POGZ: variants seen among roughly 807,000 people sequenced by gnomAD.
POGZ encodes the protein pogo transposable element derived with ZNF domain, also known as pogo transposable element with ZNF domain.
In POGZ, 17 loss-of-function variants were observed where a neutral mutation model predicts 134.6. The ratio of observed to expected loss-of-function variants is 0.13; its 90% CI spans 0.09 to 0.19. POGZ has a LOEUF of 0.19. Among genes scored for constraint, POGZ ranks in the 10% least tolerant of loss-of-function variants. The pLI is 1.00. For synonymous variants in POGZ, 693 were observed against 657.1 expected, an observed-to-expected ratio of 1.05 and a Z score of -0.84; for missense variants, 1,306 against 1,769.7, an observed-to-expected ratio of 0.74 and a Z score of 4.70.
intron 1 of POGZ, among the ~76,000 whole-genome samples, chr1:151,455,952 A>T: frequency 6.9e-6 from 1 of 144,158 alleles, no homozygotes; most frequent in African/African-American, 2.6e-5. Flanking sequence ...TATGCTGACC[A>T]GGCTCAACTC....
chr1:151,404,720 G>A lies in POGZ; in HGVS notation c.*82C>T, dbSNP rs1160841854. On this transcript the variant is annotated 3_prime_UTR_variant, in exon 19 of 19. Coordinates refer to ENST00000271715, the MANE Select transcript of POGZ (RefSeq NM_015100.4). ...AAATAGAAACCAAATACCCCACCTG[G>A]TATGCCCCCTTTTCCCTAAGCCCCT... is the stretch of plus-strand genomic sequence containing the variant. 28 of 1,488,480 alleles carry A rather than the reference G, an allele frequency of 1.9e-5. No individual in the cohort carries two copies. The highest frequency in any genetic ancestry group is 2.3e-5 in the Non-Finnish European group (26 of 1,121,148). 92.2% of individuals were successfully genotyped at this position (1,488,480 alleles called of 1,614,324 possible). A position where few individuals can be genotyped will look rare whatever the true frequency, so the allele number is the denominator to read the frequency against.
chr1:151,431,516 CTG>C (rs1232073413), intron 3 of POGZ, among the ~76,000 whole-genome samples: 2 of 152,124 alleles, frequency 1.3e-5, no homozygotes, highest in East Asian at 3.9e-4. Context: ...TGAGTTAAAT[CTG>C]AGAAATGCAA....
chr1:151,455,170 A>C (rs1240471366), intron 1 of POGZ: 1 of 152,174 alleles, frequency 6.6e-6, no homozygotes, highest in Non-Finnish European at 1.5e-5. Flanking sequence ...AATACCAAAG[A>C]ATCTATCAAA....
chr1:151,408,232 A>G lies in POGZ; in HGVS notation c.2243T>C (p.Met748Thr), dbSNP rs1654023699. The G allele has an allele frequency of 6.2e-7, 1 of 1,610,978 alleles. No individual in the cohort carries two copies. The highest frequency in any genetic ancestry group is 8.5e-7 in the Non-Finnish European group (1 of 1,179,082). ...GCACTCCAGGCATGTCTGCCGGCCCATGACACTCCTGTGGGGGAAAAAAAA... is the reference window on the plus strand; with the variant it reads ...GCACTCCAGGCATGTCTGCCGGCCCGTGACACTCCTGTGGGGGAAAAAAAA... Reference protein sequence around the residue: ...QKRAVRKMSVMGRQTCLECSF... With the variant: ...QKRAVRKMSVTGRQTCLECSF... Residue 748 changes from methionine to threonine, a missense_variant, in exon 15 of 19, where the codon ATG (methionine) becomes ACG (threonine). Physicochemically the swap from Met to Thr is moderately conservative, Grantham distance 81. This residue lies in a region of POGZ where 149 missense variants were observed against 237.5 expected (regional missense o/e 0.63). Coordinates refer to ENST00000271715, the MANE Select transcript of POGZ (RefSeq NM_015100.4).
chr1:151,415,238 T>C (rs1655417102), intron 10 of POGZ, among the ~76,000 whole-genome samples: 1 of 152,220 alleles, frequency 6.6e-6, no homozygotes, highest in Non-Finnish European at 1.5e-5. Flanking sequence ...CTCTCAATCC[T>C]ATTTCTTCCT....
intron 12 of POGZ, among the ~76,000 whole-genome samples, chr1:151,409,282 C>G (rs891793859): frequency 6.6e-6 from 1 of 152,198 alleles, no homozygotes; most frequent in African/African-American, 2.4e-5. Flanking sequence ...CCCTTCCATA[C>G]AAACAACTTA....
rs1653548357 is a variant in POGZ at position 151,406,146 on chromosome 1, A to G, written c.2889T>C (p.Gly963=). 6.2e-7 allele frequency: 1 copy of G among 1,613,964 alleles called. No homozygotes were observed. The highest frequency in any genetic ancestry group is 8.5e-7 in the Non-Finnish European group (1 of 1,179,938). ...QEPELASGGG[G]SGGVGKKEQL... ...GCTCCTTTTTGCCAACTCCACCACT[A>G]CCACCACCACCTGATGCTAGCTCAG... The change falls in exon 19 of 19, where the codon GGT becomes GGC. Residue 963 remains glycine (G), a synonymous_variant. Transcript: ENST00000271715.
Position 151,419,375 on chromosome 1 carries a change from C to T in POGZ, c.1678+4022G>A, listed in dbSNP as rs142883443. The stretch of plus-strand genomic sequence containing the variant: ...ATTGTCTCCCAAAAAAAAAGCTGAG[C>T]ACGGTGGCTCACACCAGTAATCACA... On this transcript the variant is annotated intron_variant, in intron 10 of 18. Transcript: ENST00000271715. Among the ~76,000 whole-genome samples, 946 of 151,434 alleles carry T rather than the reference C, an allele frequency of 6.2e-3. 13 individuals carry two copies. Among genetic ancestry groups the T allele is most frequent in the African/African-American group, 0.022 (893 of 41,246 alleles).
At chr1:151,425,138 C>G in intron 7 of POGZ, 77 bp from the exon 8 acceptor site, 1 of 743,808 alleles carries the variant, frequency 1.3e-6, no homozygotes, top group East Asian at 2.7e-5. Flanking sequence ...GGGAAAAAGT[C>G]AAACACTCCC....
chr1:151,437,384 T>A (rs1044658619), intron 3 of POGZ, among the ~76,000 whole-genome samples: 1 of 151,830 alleles, frequency 6.6e-6, no homozygotes, highest in African/African-American at 2.4e-5. Context: ...AGACCACAAA[T>A]TTTTTTTTAA....
intron 2 of POGZ, 35 bp downstream of exon 2, chr1:151,442,046 T>C (rs769568299): frequency 3.3e-6 from 5 of 1,502,654 alleles, no homozygotes; most frequent in Non-Finnish European, 3.7e-6. Context: ...ATTTAATTAA[T>C]TTAAACCATC....
rs1653070094 is a variant in POGZ, at chr1:151,403,582, G to A, written c.*1220C>T. ...ATTAAAAAAATCCCTCATGCAAATT[G>A]TAGAAAAAATTTTCTTTCCTTGAAG... On this transcript the variant is annotated 3_prime_UTR_variant, in exon 19 of 19. Transcript: ENST00000271715. 3 of 985,696 alleles carry A rather than the reference G, an allele frequency of 3.0e-6. No individual in the cohort carries two copies. Among genetic ancestry groups the A allele is most frequent in the African/African-American group, 1.7e-5 (1 of 57,328 alleles). The allele number at this position is 985,696 out of a possible 1,614,324, so 61.1% of individuals were successfully genotyped here.
intron 12 of POGZ, among the ~76,000 whole-genome samples, chr1:151,410,453 C>T (rs755374964): frequency 6.6e-6 from 1 of 152,136 alleles, no homozygotes; most frequent in Non-Finnish European, 1.5e-5. Context: ...ACATTTTGAT[C>T]ACACCCTTTT....
chr1:151,409,168 CTTCA>C (rs1176993825), intron 12 of POGZ, among the ~76,000 whole-genome samples: 1 of 151,998 alleles, frequency 6.6e-6, no homozygotes. Context: ...TCTGGACATT[CTTCA>C]TTCTTCTTTT....
At chr1:151,457,820 G>A (rs1662953082) in intron 1 of POGZ, among the ~76,000 whole-genome samples, 1 of 152,064 alleles carries the variant, frequency 6.6e-6, no homozygotes, top group Admixed American at 6.5e-5. Context: ...CCAGCTACTA[G>A]GAAGGCTGAG....
At position 151,445,547 on chromosome 1, in the gene POGZ, G is replaced by C. The variant is rs1329043209; in HGVS notation, c.-1-3342C>G. Among the ~76,000 whole-genome samples the C allele has an allele frequency of 7.5e-5, 11 of 146,098 alleles. No homozygotes were observed. In the East Asian group the frequency reaches 2.2e-3, roughly 29 times the overall value. The stretch of plus-strand genomic sequence containing the variant: ...CAAAAAAAAAAAAAAAAGAAAAAAA[G>C]AAAGAGACAAAAAAGAAAGAAAAAA... On this transcript the variant is annotated intron_variant, in intron 1 of 18. Transcript: ENST00000271715.
intron 1 of POGZ, among the ~76,000 whole-genome samples, chr1:151,455,564 T>C (rs1557960253): frequency 6.6e-6 from 1 of 152,266 alleles, no homozygotes; most frequent in Non-Finnish European, 1.5e-5. Flanking sequence ...TTTCCACATT[T>C]ACCACAAATT....
chr1:151,437,215 A>AG (rs1303330358), intron 3 of POGZ, among the ~76,000 whole-genome samples: 2 of 151,740 alleles, frequency 1.3e-5, no homozygotes, highest in African/African-American at 2.4e-5. Flanking sequence ...AAAAAAAAAA[A>AG]AAAGTAATAC....
chr1:151,433,380 G>T (rs1659035465), intron 3 of POGZ, among the ~76,000 whole-genome samples: 1 of 151,944 alleles, frequency 6.6e-6, no homozygotes, highest in African/African-American at 2.4e-5. Flanking sequence ...GGCTGAGGTG[G>T]GTGGATCACC....
Sources: gnomAD v4.1 joint callset for allele counts (sites outside exome capture counted in the v4.1 genomes callset) on GRCh38, gnomAD v4.1.1 for gene constraint, gnomAD v4.1.1 regional missense constraint, MANE v1.5 for transcripts, NCBI Gene and HGNC (gene_info 2026-07-23, HGNC 2026-07-21) for gene names.